The following OPCML variants were observed in gnomAD, a reference collection of about 807,000 sequenced individuals.
OPCML encodes the protein opioid-binding protein/cell adhesion molecule.
A neutral mutation model predicts 37.8 loss-of-function variants in OPCML; 13 were observed. The observed-to-expected ratio is 0.34, with a 90% CI of 0.22 to 0.55. OPCML has a LOEUF of 0.55. Among genes scored for constraint, OPCML ranks in the 20% least tolerant of loss-of-function variants. The pLI is 0.91. For synonymous variants in OPCML, 176 were observed against 168.8 expected, an observed-to-expected ratio of 1.04 and a Z score of -0.33; for missense variants, 341 against 435.6, an observed-to-expected ratio of 0.78 and a Z score of 1.93.
intron 2 of OPCML, among the ~76,000 whole-genome samples, chr11:132,820,397 C>T (rs1301451469): frequency 2.0e-5 from 3 of 152,050 alleles, no homozygotes; most frequent in Non-Finnish European, 2.9e-5. Context: ...CAGTGATAGG[C>T]GTATTACAAA....
chr11:132,432,883 A>T (rs1292946756), intron 7 of OPCML, among the ~76,000 whole-genome samples: 1 of 152,256 alleles, frequency 6.6e-6, no homozygotes, highest in East Asian at 1.9e-4. Flanking sequence ...CTGATCACAT[A>T]GAACAGTGCC....
At chr11:133,467,867 C>G (rs1014232636) in intron 1 of OPCML, among the ~76,000 whole-genome samples, 1 of 152,180 alleles carries the variant, frequency 6.6e-6, no homozygotes. Context: ...CCTTGGAAAG[C>G]AGTGTGGTGG....
chr11:132,612,147 C>T (rs1399309483), intron 3 of OPCML, among the ~76,000 whole-genome samples: 5 of 152,126 alleles, frequency 3.3e-5, no homozygotes, highest in Admixed American at 3.3e-4. Context: ...TATATTTCAT[C>T]AAGAAGAATG....
At chr11:133,178,544 G>A (rs1389212281) in intron 1 of OPCML, among the ~76,000 whole-genome samples, 2 of 152,066 alleles carry the variant, frequency 1.3e-5, no homozygotes, top group Non-Finnish European at 2.9e-5. Flanking sequence ...GGCTCGTTGG[G>A]GAAATAAGAC....
chr11:132,415,431 C>T lies in OPCML; in HGVS notation c.*4762G>A, dbSNP rs1263202580. 1 of 152,094 alleles carries T rather than the reference C, an allele frequency of 6.6e-6. No individual in the cohort carries two copies. The highest frequency in any genetic ancestry group is 1.5e-5 in the Non-Finnish European group (1 of 68,022). 9.4% of individuals were successfully genotyped at this position (152,094 alleles called of 1,614,324 possible). ...TTGACATGTCACGAAAATTTCCGAA[C>T]GATTAAAAATGCTCCCTTTAACTAA... On this transcript the variant is annotated 3_prime_UTR_variant, in exon 8 of 8. Coordinates refer to ENST00000524381, the MANE Select transcript of OPCML (RefSeq NM_001012393.5).
chr11:133,077,007 G>GC (rs1031282757), intron 1 of OPCML, among the ~76,000 whole-genome samples: 1 of 152,072 alleles, frequency 6.6e-6, no homozygotes, highest in African/African-American at 2.4e-5. Context: ...TTATTTTGCT[G>GC]CCCCCCATCT....
chr11:132,915,359 C>G (rs1944570895), intron 2 of OPCML, among the ~76,000 whole-genome samples: 1 of 152,236 alleles, frequency 6.6e-6, no homozygotes, highest in Admixed American at 6.5e-5. Flanking sequence ...ACCTCATTCT[C>G]ACACCAGCTG....
chr11:133,523,695 T>A (rs1004836052), intron 1 of OPCML, among the ~76,000 whole-genome samples: 3 of 152,226 alleles, frequency 2.0e-5, no homozygotes, highest in African/African-American at 7.2e-5. Flanking sequence ...CTTACCAGGC[T>A]GCCAGCCTCA....
intron 4 of OPCML, among the ~76,000 whole-genome samples, chr11:132,466,447 G>C (rs1016982315): frequency 1.1e-4 from 17 of 150,470 alleles, no homozygotes; most frequent in African/African-American, 3.9e-4. Context: ...TCACGCCACT[G>C]CACTCCAGCC....
intron 3 of OPCML, among the ~76,000 whole-genome samples, chr11:132,543,760 C>A (rs2096362664): frequency 6.6e-6 from 1 of 152,014 alleles, no homozygotes; most frequent in South Asian, 2.1e-4. Context: ...ATATATACCG[C>A]CACGTTTTTT....
chr11:132,445,062 G>A (rs1218560293), intron 4 of OPCML, among the ~76,000 whole-genome samples: 1 of 152,224 alleles, frequency 6.6e-6, no homozygotes, highest in East Asian at 1.9e-4. Flanking sequence ...TCAGGCTGTG[G>A]CCACCAGGAC....
At chr11:132,820,497 G>GTGTGTGTGT (rs763790501) in intron 2 of OPCML, among the ~76,000 whole-genome samples, 11 of 151,874 alleles carry the variant, frequency 7.2e-5, no homozygotes, top group Admixed American at 2.6e-4. Flanking sequence ...ATATATATGT[G>GTGTGTGTGT]GTGTGTGTGT....
intron 3 of OPCML, among the ~76,000 whole-genome samples, chr11:132,548,775 C>A (rs1158144896): frequency 6.6e-6 from 1 of 152,202 alleles, no homozygotes; most frequent in East Asian, 1.9e-4. Flanking sequence ...CAGATAGGTG[C>A]CTCCTTGACA....
chr11:133,056,790 G>C lies in OPCML; in HGVS notation c.62-113780C>G, dbSNP rs189323422. 9.2e-5 allele frequency among the ~76,000 whole-genome samples: 14 copies of C among 152,246 alleles called. 1 individual carries two copies. The East Asian group carries it at 2.5e-3, about 27-fold the overall frequency. The stretch of plus-strand genomic sequence containing the variant: ...CATTCATGGACATTGTTTTCTTTGT[G>C]AAACAGATTCTCAACTCCTCGAGGG... On this transcript the variant is annotated intron_variant, in intron 1 of 7. Transcript: ENST00000524381.
At chr11:132,420,470 G>A in intron 7 of OPCML, 177 bp from the exon 8 acceptor site, 6 of 845,370 alleles carry the variant, frequency 7.1e-6, no homozygotes, top group Non-Finnish European at 8.5e-6. Context: ...GGGGCAAGCT[G>A]TTGGGATGCC....
At position 133,439,710 on chromosome 11, in the gene OPCML, A is replaced by G. The variant is rs375274047; in HGVS notation, c.61+92554T>C. Among the ~76,000 whole-genome samples, 1,137 of 151,926 alleles carry G rather than the reference A, an allele frequency of 7.5e-3. 12 individuals are homozygous for G. The highest frequency in any genetic ancestry group is 0.022 in the African/African-American group (906 of 41,450). On this transcript the variant is annotated intron_variant, in intron 1 of 7. Coordinates refer to ENST00000524381, the MANE Select transcript of OPCML (RefSeq NM_001012393.5). ...TCTCGATCTCCTGACTTCGTGATCC[A>G]CCCGCCTTGGCCTCCCAAAGTGCTG... is the stretch of plus-strand genomic sequence containing the variant.
At chr11:132,420,400 G>C in intron 7 of OPCML, 107 bp from the exon 8 acceptor site, 1 of 1,476,322 alleles carries the variant, frequency 6.8e-7, no homozygotes, top group Non-Finnish European at 9.0e-7. Flanking sequence ...CCACCCTTCC[G>C]CTGACCATTC....
Position 133,160,198 on chromosome 11 carries a change from A to AT in OPCML, c.62-217189dup, listed in dbSNP as rs1166225714. On this transcript the variant is annotated intron_variant, in intron 1 of 7. Coordinates refer to ENST00000524381, the MANE Select transcript of OPCML (RefSeq NM_001012393.5). The stretch of plus-strand genomic sequence containing the variant: ...ATCTTGCCCCTAAGTCTCTCAATTT[A>AT]TGAAAAACAGAGCAATTCCAAGAGG... 2.0e-5 allele frequency among the ~76,000 whole-genome samples: 3 copies of AT among 152,376 alleles called. No individual in the cohort carries two copies. The East Asian group carries it at 5.8e-4, about 29-fold the overall frequency.
At chr11:132,573,954 A>G (rs897361829) in intron 3 of OPCML, among the ~76,000 whole-genome samples, 3 of 151,872 alleles carry the variant, frequency 2.0e-5, no homozygotes, top group Non-Finnish European at 2.9e-5. Context: ...TAGTTGTGGT[A>G]CTTTGTATGT....
Sources: gnomAD v4.1 joint callset for allele counts (sites outside exome capture counted in the v4.1 genomes callset) on GRCh38, gnomAD v4.1.1 for gene constraint, MANE v1.5 for transcripts, NCBI Gene and HGNC (gene_info 2026-07-23, HGNC 2026-07-21) for gene names.